Variants in CADM2 observed in about 807,000 individuals in gnomAD.
The protein encoded by CADM2 is cell adhesion molecule 2.
CADM2 carries 12 observed loss-of-function variants against 49.8 expected under a neutral mutation model. That is an observed-to-expected ratio of 0.24 (90% CI 0.15 to 0.39). CADM2 has a LOEUF of 0.39. Ranked by LOEUF, CADM2 falls within the 10% of genes least tolerant of loss-of-function variation. The pLI is 1.00. For synonymous variants in CADM2, 214 were observed against 175.4 expected, an observed-to-expected ratio of 1.22 and a Z score of -1.74; for missense variants, 378 against 492.3, an observed-to-expected ratio of 0.77 and a Z score of 2.20.
At chr3:85,459,359 G>C (rs796371640) in intron 1 of CADM2, among the ~76,000 whole-genome samples, 33 of 152,238 alleles carry the variant, frequency 2.2e-4, no homozygotes, top group African/African-American at 7.9e-4. Context: ...ATTTCCCCAG[G>C]TGTGGGTATT....
intron 8 of CADM2, among the ~76,000 whole-genome samples, chr3:86,049,249 A>ATTTAT (rs1365581123): frequency 1.5e-4 from 22 of 151,582 alleles, no homozygotes; most frequent in South Asian, 2.1e-4. Context: ...AGACTGGGTA[A>ATTTAT]TTTATTTTAT....
intron 8 of CADM2, among the ~76,000 whole-genome samples, chr3:86,032,684 T>G (rs570209324): frequency 6.6e-6 from 1 of 152,006 alleles, no homozygotes; most frequent in Admixed American, 6.6e-5. Context: ...TCAGTTATTG[T>G]TTTAGAACTA....
chr3:85,694,152 C>A (rs1461353686), intron 1 of CADM2, among the ~76,000 whole-genome samples: 1 of 152,084 alleles, frequency 6.6e-6, no homozygotes, highest in Non-Finnish European at 1.5e-5. Context: ...ACAGCAACAG[C>A]AACAGTGAGT....
intron 2 of CADM2, among the ~76,000 whole-genome samples, chr3:85,798,411 T>A (rs928604309): frequency 2.0e-5 from 3 of 152,208 alleles, no homozygotes; most frequent in Non-Finnish European, 4.4e-5. Flanking sequence ...ATCTTAATGT[T>A]TAAATCTTTA....
At chr3:85,406,855 T>C (rs1441120760) in intron 1 of CADM2, among the ~76,000 whole-genome samples, 2 of 152,086 alleles carry the variant, frequency 1.3e-5, no homozygotes, top group Non-Finnish European at 2.9e-5. Flanking sequence ...CCACTTTTTG[T>C]CATCTTCAAT....
rs557985838 is a variant in CADM2 at position 85,603,955 on chromosome 3, C to T, written c.62-122567C>T. The stretch of plus-strand genomic sequence containing the variant: ...TCATCTTTCTCTTTGCATTTTTAGT[C>T]ATGAAAATATTGAAATTTGAAAAAT... On this transcript the variant is annotated intron_variant, in intron 1 of 9. Coordinates refer to ENST00000383699, the MANE Select transcript of CADM2 (RefSeq NM_001167675.2). Among the ~76,000 whole-genome samples the T allele has an allele frequency of 4.5e-4, 69 of 151,746 alleles. 3 individuals carry two copies. The South Asian group carries it at 0.013, about 29-fold the overall frequency.
intron 3 of CADM2, among the ~76,000 whole-genome samples, chr3:85,847,448 AG>A: frequency 6.6e-6 from 1 of 152,308 alleles, no homozygotes; most frequent in East Asian, 1.9e-4. Flanking sequence ...TCAGAATTGA[AG>A]CTTTAAAGTT....
intron 1 of CADM2, among the ~76,000 whole-genome samples, chr3:85,258,938 T>C (rs542228074): frequency 6.6e-4 from 100 of 152,248 alleles, no homozygotes; most frequent in African/African-American, 2.3e-3. Flanking sequence ...CAGTGAAGTG[T>C]GGAACTGCCT....
At chr3:85,511,733 A>C (rs1249175196) in intron 1 of CADM2, 1 of 238,804 alleles carries the variant, frequency 4.2e-6, no homozygotes, top group Non-Finnish European at 6.8e-6. Flanking sequence ...CCGGGGTGCA[A>C]AAGAAAATAG....
chr3:85,309,441 A>G (rs13085678), intron 1 of CADM2, among the ~76,000 whole-genome samples: 19,732 of 152,006 alleles, frequency 0.13, 1,629 homozygotes, highest in Middle Eastern at 0.21. Context: ...GTAAGCTTCA[A>G]TTTTTGCTTT....
chr3:85,799,857 G>A (rs2071885749), intron 2 of CADM2: 3 of 152,594 alleles, frequency 2.0e-5, no homozygotes, highest in South Asian at 4.1e-4. Flanking sequence ...CAGGAGGCAT[G>A]GGTATCAGGG....
intron 1 of CADM2, among the ~76,000 whole-genome samples, chr3:84,964,359 G>C (rs2107054336): frequency 6.6e-6 from 1 of 152,252 alleles, no homozygotes; most frequent in African/African-American, 2.4e-5. Flanking sequence ...GTAGTCTGTG[G>C]TATATCAATG....
chr3:85,041,315 A>G (rs2035430116), intron 1 of CADM2, among the ~76,000 whole-genome samples: 1 of 152,060 alleles, frequency 6.6e-6, no homozygotes, highest in Non-Finnish European at 1.5e-5. Flanking sequence ...ATATATCTAT[A>G]TTTACACAGA....
chr3:86,028,202 A>G (rs1734130857), intron 8 of CADM2, among the ~76,000 whole-genome samples: 1 of 151,366 alleles, frequency 6.6e-6, no homozygotes, highest in Non-Finnish European at 1.5e-5. Flanking sequence ...AAAGTATAAT[A>G]AATAAATAAA....
chr3:85,647,349 T>A (rs572432652), intron 1 of CADM2, among the ~76,000 whole-genome samples: 1 of 151,868 alleles, frequency 6.6e-6, no homozygotes, highest in Non-Finnish European at 1.5e-5. Context: ...TTTTTAATTG[T>A]ATTTTTTCTT....
At chr3:86,032,001 G>A (rs1438037723) in intron 8 of CADM2, among the ~76,000 whole-genome samples, 1 of 151,536 alleles carries the variant, frequency 6.6e-6, no homozygotes, top group Non-Finnish European at 1.5e-5. Flanking sequence ...GGATGTTGAC[G>A]GATCAAGAGT....
intron 1 of CADM2, among the ~76,000 whole-genome samples, chr3:85,174,094 T>C (rs183959928): frequency 4.0e-4 from 61 of 152,264 alleles, no homozygotes; most frequent in Admixed American, 7.8e-4. Flanking sequence ...GGGCTCACTC[T>C]GTTCCAGCGC....
Position 85,912,436 on chromosome 3 carries a change from A to C in CADM2, c.593A>C (p.Asp198Ala), listed in dbSNP as rs780344385. 20 of 1,614,002 alleles carry C rather than the reference A, an allele frequency of 1.2e-5. No individual in the cohort carries two copies. Among genetic ancestry groups the C allele is most frequent in the Non-Finnish European group, 1.7e-5 (20 of 1,179,992 alleles). ...ACATTCACTGTCAGCAGCACACTGG[A>C]CTTCCGAGTGGACCGGAGTGATGAT... ...RKTFTVSSTL[D>A]FRVDRSDDGV... The change falls in exon 6 of 10, where the codon GAC (aspartate) becomes GCC (alanine). Residue 198 changes from aspartate (D) to alanine (A), a missense_variant. Coordinates refer to ENST00000383699, the MANE Select transcript of CADM2 (RefSeq NM_001167675.2).
chr3:85,662,233 G>GTT (rs5850709), intron 1 of CADM2, among the ~76,000 whole-genome samples: 2,894 of 137,214 alleles, frequency 0.021, 30 homozygotes, highest in African/African-American at 0.038. Context: ...GTATAGGTGG[G>GTT]TTTTTTTTTT....
Sources: gnomAD v4.1 joint callset for allele counts (sites outside exome capture counted in the v4.1 genomes callset) on GRCh38, gnomAD v4.1.1 for gene constraint, MANE v1.5 for transcripts, NCBI Gene and HGNC (gene_info 2026-07-23, HGNC 2026-07-21) for gene names.